Variants in GALNT2 observed in about 807,000 individuals in gnomAD.
GALNT2 encodes the protein polypeptide N-acetylgalactosaminyltransferase 2.
A neutral mutation model predicts 81.4 loss-of-function variants in GALNT2; 31 were observed. The observed-to-expected ratio is 0.38, with a 90% CI of 0.29 to 0.51. GALNT2 has a LOEUF of 0.51. Among genes scored for constraint, GALNT2 ranks in the 20% least tolerant of loss-of-function variants. The probability of loss-of-function intolerance (pLI) is 0.87; values close to 1 mark genes in which losing one functional copy is unlikely to be tolerated. For synonymous variants in GALNT2, 303 were observed against 287.4 expected, an observed-to-expected ratio of 1.05 and a Z score of -0.55; for missense variants, 629 against 765.7, an observed-to-expected ratio of 0.82 and a Z score of 2.11.
intron 3 of GALNT2, among the ~76,000 whole-genome samples, chr1:230,228,481 G>A (rs1174631204): frequency 1.3e-5 from 2 of 152,002 alleles, no homozygotes; most frequent in Non-Finnish European, 2.9e-5. Flanking sequence ...AGTGTTTGGC[G>A]TGACAGCAGT....
intron 14 of GALNT2, among the ~76,000 whole-genome samples, chr1:230,268,893 A>G (rs1666101076): frequency 6.6e-6 from 1 of 152,246 alleles, no homozygotes; most frequent in African/African-American, 2.4e-5. Context: ...CCTTTGACAC[A>G]GAGCGCCCAT....
intron 8 of GALNT2, among the ~76,000 whole-genome samples, chr1:230,247,939 A>G (rs2102746050): frequency 6.6e-6 from 1 of 152,322 alleles, no homozygotes; most frequent in African/African-American, 2.4e-5. Context: ...TGTTAGTGAA[A>G]CAGCCAGGAC....
At chr1:230,218,847 A>G (rs1664465271) in intron 3 of GALNT2, among the ~76,000 whole-genome samples, 1 of 152,220 alleles carries the variant, frequency 6.6e-6, no homozygotes, top group African/African-American at 2.4e-5. Flanking sequence ...CCTGTTAGGA[A>G]CCAGGCCACG....
chr1:230,062,275 G>A (rs1659067795), upstream of GALNT2, among the ~76,000 whole-genome samples: 1 of 152,014 alleles, frequency 6.6e-6, no homozygotes, highest in Admixed American at 6.5e-5. Context: ...TTAATGTTAA[G>A]TACTTTATAT....
chr1:230,102,358 G>T (rs1319031430), intron 1 of GALNT2, among the ~76,000 whole-genome samples: 1 of 152,166 alleles, frequency 6.6e-6, no homozygotes, highest in Non-Finnish European at 1.5e-5. Flanking sequence ...AACATAAGGG[G>T]AGCTTCTGCT....
chr1:230,171,856 A>T (rs932316466), intron 1 of GALNT2, among the ~76,000 whole-genome samples: 1 of 152,148 alleles, frequency 6.6e-6, no homozygotes, highest in Non-Finnish European at 1.5e-5. Context: ...GCGTGAGATG[A>T]AGCCACATTT....
At chr1:230,222,273 G>A (rs994690923) in intron 3 of GALNT2, among the ~76,000 whole-genome samples, 7 of 152,046 alleles carry the variant, frequency 4.6e-5, no homozygotes, top group Admixed American at 2.0e-4. Context: ...TGATCCGCCC[G>A]CCTCGGCCTC....
At chr1:230,229,130 G>A (rs551392184) in intron 3 of GALNT2, among the ~76,000 whole-genome samples, 82 of 152,266 alleles carry the variant, frequency 5.4e-4, no homozygotes, top group African/African-American at 1.8e-3. Context: ...AAATTAAAAC[G>A]TAGGTTTGAC....
intron 2 of GALNT2, among the ~76,000 whole-genome samples, chr1:230,189,660 T>C (rs1193966295): frequency 6.6e-6 from 1 of 152,238 alleles, no homozygotes; most frequent in Non-Finnish European, 1.5e-5. Flanking sequence ...AAAAGATGCG[T>C]AACACTAAAG....
intron 1 of GALNT2, among the ~76,000 whole-genome samples, chr1:230,126,984 T>G (rs1661202665): frequency 6.6e-6 from 1 of 152,074 alleles, no homozygotes; most frequent in South Asian, 2.1e-4. Flanking sequence ...AGTCTGGCGG[T>G]TTCCTCTTCC....
rs369988575 is a variant in GALNT2 at position 230,260,399 on chromosome 1, C to G, written c.1137-2174C>G. 6.6e-5 allele frequency among the ~76,000 whole-genome samples: 10 copies of G among 152,236 alleles called. No homozygotes were observed. In the South Asian group the frequency reaches 2.1e-3, roughly 32 times the overall value. On this transcript the variant is annotated intron_variant, in intron 11 of 15. Coordinates refer to ENST00000366672, the MANE Select transcript of GALNT2 (RefSeq NM_004481.5). ...AGCACATGGAGATCATTCCTTGGGG[C>G]TGCCTAGTTATCCTTTTCTATTACA...
chr1:230,274,678 A>T (rs1666238958), intron 15 of GALNT2, 114 bp downstream of exon 15: 3 of 1,296,218 alleles, frequency 2.3e-6, no homozygotes, highest in South Asian at 1.7e-5. Context: ...GCGTGTACTT[A>T]TGTGTTCTTT....
rs1413879987 is a variant in GALNT2 at position 230,070,754 on chromosome 1, A to G, written c.126+3348A>G. ...GTGAAGGACCTTGCCGGGCTAGACC[A>G]TGGTACACATGGAGGGGAACGTTAG... On this transcript the variant is annotated intron_variant, in intron 1 of 15. Coordinates refer to ENST00000366672, the MANE Select transcript of GALNT2 (RefSeq NM_004481.5). This position sits in a 1 kb window ranked among gnomAD's most constrained non-coding sequence, Gnocchi z 4.7. Among the ~76,000 whole-genome samples, 2 of 152,242 alleles carry G rather than the reference A, an allele frequency of 1.3e-5. No homozygotes were observed. The highest frequency in any genetic ancestry group is 2.9e-5 in the Non-Finnish European group (2 of 68,042).
At chr1:230,211,661 C>G (rs931622417) in intron 3 of GALNT2, among the ~76,000 whole-genome samples, 1 of 152,046 alleles carries the variant, frequency 6.6e-6, no homozygotes, top group Non-Finnish European at 1.5e-5. Flanking sequence ...TACTCCCAGC[C>G]GCTTGGGAGG....
intron 3 of GALNT2, among the ~76,000 whole-genome samples, chr1:230,224,888 A>G (rs4846845): frequency 0.57 from 86,596 of 152,220 alleles, 27,339 homozygotes; most frequent in East Asian, 0.9. Context: ...CGACTCCTAT[A>G]CGTTGCAGAA....
At chr1:230,171,163 T>C (rs1489564914) in intron 1 of GALNT2, among the ~76,000 whole-genome samples, 1 of 152,234 alleles carries the variant, frequency 6.6e-6, no homozygotes, top group Non-Finnish European at 1.5e-5. Context: ...GTCCTTCTGC[T>C]TCTCCCATGG....
chr1:230,130,802 G>C (rs1050295578), intron 1 of GALNT2, among the ~76,000 whole-genome samples: 1 of 152,128 alleles, frequency 6.6e-6, no homozygotes, highest in Non-Finnish European at 1.5e-5. Context: ...ACTTTAATGA[G>C]TTTATGGGAC....
chr1:230,234,954 C>A (rs1004116973), intron 3 of GALNT2, among the ~76,000 whole-genome samples: 1 of 152,064 alleles, frequency 6.6e-6, no homozygotes, highest in South Asian at 2.1e-4. Context: ...TGGCTCATGC[C>A]GGTAATCCTA....
At chr1:230,103,045 C>T (rs1445434316) in intron 1 of GALNT2, among the ~76,000 whole-genome samples, 1 of 152,174 alleles carries the variant, frequency 6.6e-6, no homozygotes, top group South Asian at 2.1e-4. Flanking sequence ...GTTTAGAACA[C>T]AGCACTGTGC....
Sources: allele counts gnomAD v4.1 joint callset (sites outside exome capture counted in the v4.1 genomes callset), GRCh38; gene constraint gnomAD v4.1.1; non-coding constraint Gnocchi (gnomAD v3.1); transcripts MANE v1.5; gene names NCBI Gene and HGNC (gene_info 2026-07-23, HGNC 2026-07-21).